RPGRIP1L: variants seen among roughly 807,000 people sequenced by gnomAD.
RPGRIP1L encodes the protein RPGRIP1 like.
A neutral mutation model predicts 160.4 loss-of-function variants in RPGRIP1L; 131 were observed. That is an observed-to-expected ratio of 0.82 (90% confidence interval 0.71 to 0.94). The LOEUF (loss-of-function observed/expected upper bound fraction) is 0.94. RPGRIP1L is among the 40% of genes least tolerant of loss of function. RPGRIP1L has a pLI of 0.00. For synonymous variants in RPGRIP1L, 510 were observed against 515.8 expected, an observed-to-expected ratio of 0.99 and a Z score of 0.15; for missense variants, 1,522 against 1,535.8, an observed-to-expected ratio of 0.99 and a Z score of 0.15.
At chr16:53,623,284 A>C (rs1964861561) in intron 22 of RPGRIP1L, among the ~76,000 whole-genome samples, 1 of 152,178 alleles carries the variant, frequency 6.6e-6, no homozygotes, top group African/African-American at 2.4e-5. Flanking sequence ...CCGATTGATG[A>C]GCGTTATGAG....
chr16:53,663,688 C>T (rs1968000895), intron 10 of RPGRIP1L, among the ~76,000 whole-genome samples: 1 of 152,022 alleles, frequency 6.6e-6, no homozygotes, highest in Non-Finnish European at 1.5e-5. Flanking sequence ...TTTTATTCCA[C>T]TCACAGTCTT....
Position 53,648,679 on chromosome 16 carries a change from C to T in RPGRIP1L, c.2304+285G>A, listed in dbSNP as rs192285320. Among the ~76,000 whole-genome samples the T allele has an allele frequency of 3.2e-3, 475 of 149,092 alleles. 2 individuals carry two copies. The highest frequency in any genetic ancestry group is 0.011 in the African/African-American group (453 of 40,810). On this transcript the variant is annotated intron_variant, in intron 16 of 26. Transcript: ENST00000647211. Reference sequence around the variant, plus strand: ...ACACAAAAGTGCATGTAAAAACTGACGAAATCTGAGTAAGGTATGTAGCCT... The same window carrying T: ...ACACAAAAGTGCATGTAAAAACTGATGAAATCTGAGTAAGGTATGTAGCCT...
At chr16:53,651,909 CATAA>C (rs891139011) in intron 15 of RPGRIP1L, among the ~76,000 whole-genome samples, 16 of 151,342 alleles carry the variant, frequency 1.1e-4, no homozygotes, top group African/African-American at 2.9e-4. Flanking sequence ...ACTATTAAAC[CATAA>C]ATAATTTAAA....
intron 23 of RPGRIP1L, among the ~76,000 whole-genome samples, chr16:53,620,548 T>C (rs562073998): frequency 6.6e-6 from 1 of 152,180 alleles, no homozygotes; most frequent in Middle Eastern, 3.2e-3. Context: ...CATAGTATGA[T>C]GAAATATTTA....
At chr16:53,665,357 A>C (rs2151200877) in intron 9 of RPGRIP1L, among the ~76,000 whole-genome samples, 1 of 152,294 alleles carries the variant, frequency 6.6e-6, no homozygotes, top group East Asian at 1.9e-4. Context: ...ATCGGACAAA[A>C]CCATTCTCTC....
intron 10 of RPGRIP1L, chr16:53,659,453 C>T (rs1346145394): frequency 1.3e-5 from 2 of 153,296 alleles, no homozygotes; most frequent in East Asian, 3.9e-4. Flanking sequence ...CCCATGTGCA[C>T]TTGTACCCTC....
At chr16:53,686,604 T>C in intron 5 of RPGRIP1L, 28 bp from the exon 6 acceptor site, 8 of 1,612,750 alleles carry the variant, frequency 5.0e-6, no homozygotes, top group Non-Finnish European at 6.8e-6. Context: ...TGTAAGAACT[T>C]GTAGTTTGAG....
At chr16:53,686,387 A>G (rs778874016) in intron 6 of RPGRIP1L, 46 bp downstream of exon 6, 9 of 1,581,254 alleles carry the variant, frequency 5.7e-6, no homozygotes, top group Middle Eastern at 1.7e-4. Context: ...AAAGTATTTT[A>G]AACTAATTTT....
intron 22 of RPGRIP1L, among the ~76,000 whole-genome samples, chr16:53,625,626 AC>A (rs1278324425): frequency 1.3e-5 from 2 of 151,880 alleles, no homozygotes; most frequent in Non-Finnish European, 1.5e-5. Flanking sequence ...CCCAGCCGCC[AC>A]CCCGTCTGGG....
At chr16:53,667,010 T>G (rs1968322370) in intron 9 of RPGRIP1L, among the ~76,000 whole-genome samples, 1 of 152,202 alleles carries the variant, frequency 6.6e-6, no homozygotes, top group Non-Finnish European at 1.5e-5. Context: ...CTATAAATGG[T>G]GAACCACATC....
At chr16:53,694,789 G>A (rs1970631723) in intron 3 of RPGRIP1L, 1 of 152,480 alleles carries the variant, frequency 6.6e-6, no homozygotes, top group South Asian at 2.1e-4. Context: ...TGGGATTACA[G>A]GCGTGAGCCA....
intron 2 of RPGRIP1L, among the ~76,000 whole-genome samples, chr16:53,700,173 G>A (rs754028740): frequency 1.6e-4 from 24 of 152,098 alleles, no homozygotes; most frequent in Non-Finnish European, 2.8e-4. Flanking sequence ...AGTGATAAAA[G>A]GATAAAGAAA....
rs1161431597 is a variant in RPGRIP1L at position 53,696,189 on chromosome 16, A to T, written c.192T>A (p.Leu64=). ...FLRLHDENIL[L]KQHARKQEDK... is the part of the protein sequence containing the mutation. Reference sequence around the variant, plus strand: ...CCTCCTGCTTGCGGGCATGCTGTTTAAGTAAAATGTTCTCATCATGCAAAC... The same window carrying T: ...CCTCCTGCTTGCGGGCATGCTGTTTTAGTAAAATGTTCTCATCATGCAAAC... The change falls in exon 3 of 27, where the codon CTT becomes CTA. Residue 64 remains leucine, a synonymous_variant. Coordinates refer to ENST00000647211, the MANE Select transcript of RPGRIP1L (RefSeq NM_015272.5). The T allele has an allele frequency of 6.2e-7, 1 of 1,614,016 alleles. No individual in the cohort carries two copies. Among genetic ancestry groups the T allele is most frequent in the Non-Finnish European group, 8.5e-7 (1 of 1,179,968 alleles).
chr16:53,698,394 C>T (rs1275294320), intron 2 of RPGRIP1L, among the ~76,000 whole-genome samples: 6 of 143,720 alleles, frequency 4.2e-5, no homozygotes, highest in East Asian at 2.2e-4. Context: ...CCCGGCCAGC[C>T]GTCCTGTCTG....
intron 9 of RPGRIP1L, among the ~76,000 whole-genome samples, chr16:53,666,566 A>ATGTGTG (rs112955038): frequency 0.058 from 7,895 of 136,590 alleles, 274 homozygotes; most frequent in East Asian, 0.15. Flanking sequence ...GAGTACATCT[A>ATGTGTG]TGTGTGTGTG....
Position 53,619,218 on chromosome 16 carries a change from G to T in RPGRIP1L, c.3433-10C>A. The T allele has an allele frequency of 6.2e-7, 1 of 1,610,626 alleles. No individual in the cohort carries two copies. The highest frequency in any genetic ancestry group is 8.5e-7 in the Non-Finnish European group (1 of 1,178,284). Reference sequence around the variant, plus strand: ...GAATTTTTTCTGATGGCTGTTTAAAGAGCAAAAACAAAAAACAACAAAGAA... The same window carrying T: ...GAATTTTTTCTGATGGCTGTTTAAATAGCAAAAACAAAAAACAACAAAGAA... On this transcript the variant is annotated splice_polypyrimidine_tract_variant and intron_variant, in intron 23 of 26. Coordinates refer to ENST00000647211, the MANE Select transcript of RPGRIP1L (RefSeq NM_015272.5).
intron 6 of RPGRIP1L, among the ~76,000 whole-genome samples, chr16:53,685,223 A>T (rs1451459920): frequency 6.6e-6 from 1 of 152,162 alleles, no homozygotes; most frequent in East Asian, 1.9e-4. Flanking sequence ...TGGTAAGGTT[A>T]TGGAGAAAAA....
chr16:53,697,692 G>A (rs1405135142), intron 2 of RPGRIP1L, among the ~76,000 whole-genome samples: 1 of 152,126 alleles, frequency 6.6e-6, no homozygotes, highest in African/African-American at 2.4e-5. Flanking sequence ...GGAGTGCAGT[G>A]GCGTGATCTC....
intron 23 of RPGRIP1L, among the ~76,000 whole-genome samples, chr16:53,619,620 T>C (rs1964588978): frequency 6.6e-6 from 1 of 152,208 alleles, no homozygotes; most frequent in Admixed American, 6.5e-5. Flanking sequence ...AAGTTTCAGT[T>C]ATTCGGAGAT....
Sources: allele counts gnomAD v4.1 joint callset (sites outside exome capture counted in the v4.1 genomes callset), GRCh38; gene constraint gnomAD v4.1.1; transcripts MANE v1.5; gene names NCBI Gene and HGNC (gene_info 2026-07-23, HGNC 2026-07-21).